The following NPAS3 variants were observed in gnomAD, a reference collection of about 807,000 sequenced individuals.
NPAS3 encodes neuronal PAS domain protein 3, also known as neuronal PAS domain-containing protein 3.
A neutral mutation model predicts 73.1 loss-of-function variants in NPAS3; 14 were observed. The observed-to-expected ratio is 0.19, with a 90% CI of 0.13 to 0.30. NPAS3 has a LOEUF of 0.30. Ranked by LOEUF, NPAS3 falls within the 10% of genes least tolerant of loss-of-function variation. The pLI, the probability that NPAS3 is intolerant of heterozygous loss-of-function variation, is 1.00. For synonymous variants in NPAS3, 620 were observed against 541.5 expected, an observed-to-expected ratio of 1.14 and a Z score of -2.01; for missense variants, 1,096 against 1,250.0, an observed-to-expected ratio of 0.88 and a Z score of 1.86.
At chr14:33,698,245 A>G (rs757102977) in intron 6 of NPAS3, among the ~76,000 whole-genome samples, 28 of 152,244 alleles carry the variant, frequency 1.8e-4, no homozygotes, top group Non-Finnish European at 3.4e-4. Flanking sequence ...GACATACAAC[A>G]TATGACCTCC....
At chr14:33,682,049 C>T (rs971645379) in intron 6 of NPAS3, among the ~76,000 whole-genome samples, 1 of 152,186 alleles carries the variant, frequency 6.6e-6, no homozygotes, top group Non-Finnish European at 1.5e-5. Context: ...AGTTTGTATG[C>T]AATGAAATTC....
At chr14:33,094,703 T>A (rs2042347539) in intron 2 of NPAS3, among the ~76,000 whole-genome samples, 1 of 152,164 alleles carries the variant, frequency 6.6e-6, no homozygotes, top group Admixed American at 6.6e-5. Flanking sequence ...TGACCTGAAG[T>A]GCTCCACCTG....
In NPAS3 at chr14:33,800,164, C is replaced by A; in HGVS notation, c.1857C>A (p.Ser619Arg). 1 of 1,604,870 alleles carries A rather than the reference C, an allele frequency of 6.2e-7. No individual in the cohort carries two copies. The highest frequency in any genetic ancestry group is 1.3e-5 in the African/African-American group (1 of 74,952). ...GCGCCAGCCGCCGGCGCCTGTCCAG[C>A]GCGTCGAGCCCAGGCGGCCTGGACG... The change falls in exon 12 of 12, where the codon AGC (serine) becomes AGA (arginine). Residue 619 changes from serine to arginine, a missense_variant. Physicochemically the swap from Ser to Arg is moderately radical, Grantham distance 110. Coordinates refer to ENST00000356141, the Ensembl canonical transcript of NPAS3. This position sits in a 1 kb window ranked among gnomAD's most constrained non-coding sequence, Gnocchi z 6.5.
upstream of NPAS3, among the ~76,000 whole-genome samples, chr14:32,938,482 A>AGAAAGAG (rs2035781447): frequency 6.6e-5 from 1 of 15,058 alleles, no homozygotes; most frequent in South Asian, 1.7e-3. Flanking sequence ...AGAGAGAGAG[A>AGAAAGAG]AATTGAGAGA....
chr14:33,784,725 A>ATTTTTTTTT (rs2063090660), intron 9 of NPAS3, among the ~76,000 whole-genome samples: 1 of 92,136 alleles, frequency 1.1e-5, no homozygotes, highest in Non-Finnish European at 1.9e-5. Flanking sequence ...TGTTATTTTT[A>ATTTTTTTTT]TTTATTTATT....
intron 1 of NPAS3, among the ~76,000 whole-genome samples, chr14:32,952,324 C>A (rs528005084): frequency 6.6e-6 from 1 of 152,040 alleles, no homozygotes; most frequent in South Asian, 2.1e-4. Context: ...TCCTTTTTCC[C>A]CCTCATCACT....
intron 1 of NPAS3, among the ~76,000 whole-genome samples, chr14:32,983,194 A>C (rs903225150): frequency 1.3e-5 from 2 of 152,218 alleles, no homozygotes; most frequent in Non-Finnish European, 2.9e-5. Flanking sequence ...CTATTTTAAA[A>C]AAATCTTCAA....
intron 9 of NPAS3, among the ~76,000 whole-genome samples, chr14:33,784,750 T>TTTTTTTTTTTTTTTTTTTTTTTTA (rs2063108861): frequency 1.6e-5 from 2 of 123,058 alleles, no homozygotes; most frequent in South Asian, 2.8e-4. Context: ...TATTTATTTT[T>TTTTTTTTTTTTTTTTTTTTTTTTA]TTTTTTTTTT....
chr14:33,654,767 A>C (rs1341184732), intron 5 of NPAS3, among the ~76,000 whole-genome samples: 1 of 152,198 alleles, frequency 6.6e-6, no homozygotes, highest in African/African-American at 2.4e-5. Context: ...GGTGAGCTGC[A>C]GTTTGACCCT....
chr14:33,195,031 T>G (rs1225231538), intron 2 of NPAS3, among the ~76,000 whole-genome samples: 1 of 151,872 alleles, frequency 6.6e-6, no homozygotes, highest in Non-Finnish European at 1.5e-5. Flanking sequence ...AGTACTGGTG[T>G]GGACTAGATA....
chr14:33,712,647 C>T (rs2060851874), intron 6 of NPAS3, among the ~76,000 whole-genome samples: 1 of 152,168 alleles, frequency 6.6e-6, no homozygotes, highest in African/African-American at 2.4e-5. Context: ...TCCTATGGCA[C>T]ACTATGTACA....
At chr14:33,541,660 A>G (rs964374796) in intron 4 of NPAS3, among the ~76,000 whole-genome samples, 1 of 152,214 alleles carries the variant, frequency 6.6e-6, no homozygotes, top group Non-Finnish European at 1.5e-5. Flanking sequence ...AAGAGGATGT[A>G]AGAATGAGGC....
At chr14:33,453,751 A>G (rs2049904921) in intron 4 of NPAS3, among the ~76,000 whole-genome samples, 1 of 152,224 alleles carries the variant, frequency 6.6e-6, no homozygotes, top group South Asian at 2.1e-4. Context: ...TAAGTGTTAG[A>G]ATAAAATCAT....
intron 4 of NPAS3, among the ~76,000 whole-genome samples, chr14:33,493,712 T>C (rs79079031): frequency 6.6e-5 from 10 of 152,128 alleles, no homozygotes; most frequent in Admixed American, 1.3e-4. Context: ...TTCACTAAAA[T>C]TTAGTAAAAT....
At chr14:33,405,630 T>C (rs1471404040) in intron 4 of NPAS3, among the ~76,000 whole-genome samples, 1 of 152,120 alleles carries the variant, frequency 6.6e-6, no homozygotes, top group African/African-American at 2.4e-5. Context: ...TGGGGGTATT[T>C]TGTTTTGCCT....
chr14:33,485,072 T>A (rs2051517866), intron 4 of NPAS3, among the ~76,000 whole-genome samples: 1 of 152,046 alleles, frequency 6.6e-6, no homozygotes, highest in South Asian at 2.1e-4. Flanking sequence ...TTTGGAGAGG[T>A]AGGTAGGTAT....
chr14:33,255,717 A>G (rs2048755037), intron 3 of NPAS3, among the ~76,000 whole-genome samples: 2 of 152,286 alleles, frequency 1.3e-5, no homozygotes, highest in East Asian at 3.9e-4. Context: ...TAGTCTTGGA[A>G]AACCAATTTC....
Position 32,947,846 on chromosome 14 carries a change from C to T in NPAS3, c.50+8480C>T, listed in dbSNP as rs898643778. On this transcript the variant is annotated intron_variant, in intron 1 of 11. Coordinates refer to ENST00000356141, the Ensembl canonical transcript of NPAS3. ...TTCTGTGTAAATGTAATTTGTTAAT[C>T]CTGTGAAATTTGTCATAGATAAATT... Among the ~76,000 whole-genome samples the T allele has an allele frequency of 2.0e-5, 3 of 151,652 alleles. No homozygotes were observed. In the South Asian group the frequency reaches 6.2e-4, roughly 32 times the overall value.
chr14:33,558,745 A>G (rs1226895774), intron 4 of NPAS3, among the ~76,000 whole-genome samples: 2 of 151,932 alleles, frequency 1.3e-5, no homozygotes, highest in Non-Finnish European at 2.9e-5. Flanking sequence ...CTAAATTTAC[A>G]CGCTTCTTCC....
Sources: gnomAD v4.1 joint callset for allele counts (sites outside exome capture counted in the v4.1 genomes callset) on GRCh38, gnomAD v4.1.1 for gene constraint, Gnocchi (gnomAD v3.1) non-coding constraint, MANE v1.5 for transcripts, NCBI Gene and HGNC (gene_info 2026-07-23, HGNC 2026-07-21) for gene names.